HEMK2: variants seen among roughly 807,000 people sequenced by gnomAD.
HEMK2 encodes HemK methyltransferase 2, ETF1 glutamine and histone H4 lysine.
chr21:28,697,051 G>C, the HEMK2 span, among the ~76,000 whole-genome samples: 1 of 152,142 alleles, frequency 6.6e-6, no homozygotes, highest in Non-Finnish European at 1.5e-5. Context: ...AAGGTGAAGA[G>C]CTGCTATGAA....
the HEMK2 span, among the ~76,000 whole-genome samples, chr21:28,648,641 T>C: frequency 1.3e-5 from 2 of 152,214 alleles, no homozygotes; most frequent in South Asian, 2.1e-4. Context: ...CTTGATCTTC[T>C]ATGTTGTGAT....
At chr21:28,748,109 A>C in the HEMK2 span, among the ~76,000 whole-genome samples, 5 of 152,336 alleles carry the variant, frequency 3.3e-5, no homozygotes, top group African/African-American at 1.2e-4. Flanking sequence ...GAGGACTACT[A>C]GAGTGAGGAG....
the HEMK2 span, among the ~76,000 whole-genome samples, chr21:28,695,974 T>A: frequency 0.16 from 24,766 of 151,476 alleles, 2,318 homozygotes; most frequent in East Asian, 0.32. Context: ...TCGGTAATTT[T>A]TATATATATA....
chr21:28,648,866 T>C, the HEMK2 span, among the ~76,000 whole-genome samples: 5 of 152,204 alleles, frequency 3.3e-5, no homozygotes, highest in African/African-American at 1.2e-4. Context: ...ACATGTGCCA[T>C]GTTGGTGTGC....
At chr21:28,873,627 G>C in the HEMK2 span, 1 of 152,308 alleles carries the variant, frequency 6.6e-6, no homozygotes, top group South Asian at 2.1e-4. Flanking sequence ...AACACTAAGA[G>C]ATGCCCTAAG....
At chr21:28,819,769 C>T in the HEMK2 span, among the ~76,000 whole-genome samples, 35 of 151,966 alleles carry the variant, frequency 2.3e-4, no homozygotes, top group African/African-American at 7.7e-4. Context: ...AGGATGGTCT[C>T]GATCTTTTGA....
At chr21:28,630,543 C>T in the HEMK2 span, among the ~76,000 whole-genome samples, 23 of 151,672 alleles carry the variant, frequency 1.5e-4, no homozygotes, top group South Asian at 4.2e-4. Context: ...TGTCCAACAA[C>T]GATAGACTGG....
the HEMK2 span, among the ~76,000 whole-genome samples, chr21:28,613,074 TGATAGATAGATA>T: frequency 6.6e-6 from 1 of 150,760 alleles, no homozygotes; most frequent in Admixed American, 6.6e-5. Context: ...TGAAGAAATG[TGATAGATAGATA>T]GATAGATAGA....
chr21:28,650,305 G>T, the HEMK2 span, among the ~76,000 whole-genome samples: 1 of 152,054 alleles, frequency 6.6e-6, no homozygotes, highest in Non-Finnish European at 1.5e-5. Context: ...TGAGGCAGGA[G>T]AATCGTTTGA....
At chr21:28,767,885 C>T in the HEMK2 span, among the ~76,000 whole-genome samples, 11 of 152,116 alleles carry the variant, frequency 7.2e-5, no homozygotes, top group South Asian at 4.2e-4. Flanking sequence ...CTGGCAAGTC[C>T]TGTGAGAACT....
the HEMK2 span, among the ~76,000 whole-genome samples, chr21:28,818,729 G>A: frequency 7.2e-5 from 11 of 152,182 alleles, no homozygotes; most frequent in African/African-American, 2.7e-4. Context: ...ATCACAGTCC[G>A]TGGGGCTCAA....
the HEMK2 span, among the ~76,000 whole-genome samples, chr21:28,829,967 G>C: frequency 6.6e-6 from 1 of 152,170 alleles, no homozygotes; most frequent in Non-Finnish European, 1.5e-5. Flanking sequence ...TCCTAAGAGG[G>C]AGAAGATCTG....
At chr21:28,577,237 A>C in the HEMK2 span, 1 of 152,160 alleles carries the variant, frequency 6.6e-6, no homozygotes, top group African/African-American at 2.4e-5. Flanking sequence ...TTTAAAATCC[A>C]AGGCCAGGAT....
At chr21:28,839,801 T>C in the HEMK2 span, among the ~76,000 whole-genome samples, 1 of 152,046 alleles carries the variant, frequency 6.6e-6, no homozygotes, top group Admixed American at 6.6e-5. Context: ...CCAAGAGCAA[T>C]CTACAAATTC....
the HEMK2 span, among the ~76,000 whole-genome samples, chr21:28,625,680 T>C: frequency 2.0e-5 from 3 of 151,990 alleles, no homozygotes; most frequent in African/African-American, 7.3e-5. Flanking sequence ...GCCATGCCAC[T>C]GCACTCCAGC....
chr21:28,578,885 A>G, the HEMK2 span, among the ~76,000 whole-genome samples: 100,198 of 151,990 alleles, frequency 0.66, 34,224 homozygotes, highest in Non-Finnish European at 0.75. Flanking sequence ...AACGGCTCAC[A>G]CTTGCTTCCA....
chr21:28,840,244 C>T, the HEMK2 span, among the ~76,000 whole-genome samples: 532 of 152,292 alleles, frequency 3.5e-3, 3 homozygotes, highest in African/African-American at 0.012. Flanking sequence ...AAACCTAAGA[C>T]CTGAAACTAT....
At chr21:28,773,317 T>G in the HEMK2 span, among the ~76,000 whole-genome samples, 2 of 152,230 alleles carry the variant, frequency 1.3e-5, no homozygotes, top group South Asian at 4.1e-4. Flanking sequence ...TTTACTTCAT[T>G]TCAAAACTCC....
the HEMK2 span, among the ~76,000 whole-genome samples, chr21:28,774,558 AG>A: frequency 1.3e-5 from 2 of 152,092 alleles, no homozygotes; most frequent in Non-Finnish European, 2.9e-5. Flanking sequence ...ACTGTACTCC[AG>A]CCTGGGTGAC....
Sources: allele counts gnomAD v4.1 joint callset (sites outside exome capture counted in the v4.1 genomes callset), GRCh38; gene constraint gnomAD v4.1.1; transcripts MANE v1.5; gene names NCBI Gene and HGNC (gene_info 2026-07-23, HGNC 2026-07-21).